PHF21B: variants seen among roughly 807,000 people sequenced by gnomAD.
The protein encoded by PHF21B is PHD finger protein 21B.
PHF21B carries 22 observed loss-of-function variants against 62.2 expected under a neutral mutation model. The observed-to-expected ratio is 0.35, with a 90% CI of 0.25 to 0.51. The LOEUF (loss-of-function observed/expected upper bound fraction) is 0.51. Ranked by LOEUF, PHF21B falls within the 20% of genes least tolerant of loss-of-function variation. PHF21B has a pLI of 0.97. For missense variants in PHF21B, 701 were observed against 707.9 expected (o/e 0.99, Z 0.11); for synonymous variants, 341 against 314.7 (o/e 1.08, Z -0.88).
chr22:44,934,102 G>A (rs1384622134), intron 2 of PHF21B, among the ~76,000 whole-genome samples: 16 of 152,196 alleles, frequency 1.1e-4, no homozygotes, highest in Admixed American at 9.8e-4. Context: ...GGGCATGGCA[G>A]CCCGTCCCCT....
intron 2 of PHF21B, among the ~76,000 whole-genome samples, chr22:44,961,498 A>T (rs1031118718): frequency 6.6e-6 from 1 of 152,158 alleles, no homozygotes; most frequent in East Asian, 1.9e-4. Context: ...CTTACTTCCA[A>T]GTGAAAACGT....
intron 5 of PHF21B, 33 bp downstream of exon 5, chr22:44,913,789 A>G (rs2071385436): frequency 1.3e-6 from 2 of 1,593,544 alleles, no homozygotes; most frequent in South Asian, 1.1e-5. Context: ...CAGACTGAGC[A>G]GGGCCTGGGC....
chr22:44,917,067 C>T (rs1305000952), intron 3 of PHF21B, among the ~76,000 whole-genome samples: 3 of 152,230 alleles, frequency 2.0e-5, no homozygotes, highest in African/African-American at 7.2e-5. Flanking sequence ...GGGCCTTGCC[C>T]AGTTCTGCTT....
rs941059849 is a variant in PHF21B, at chr22:44,996,159, G to A, written c.120+12386C>T. Among the ~76,000 whole-genome samples, 10 of 152,270 alleles carry A rather than the reference G, an allele frequency of 6.6e-5. No homozygotes were observed. In the East Asian group the frequency reaches 1.9e-3, roughly 29 times the overall value. Reference sequence around the variant, plus strand: ...ATGCTGCCCCCAGCTGAGGGGCTCGGTCTCTCCAGCGCCCAGCCCTCAGCA... The same window carrying A: ...ATGCTGCCCCCAGCTGAGGGGCTCGATCTCTCCAGCGCCCAGCCCTCAGCA... On this transcript the variant is annotated intron_variant, in intron 2 of 12. Transcript: ENST00000313237.
chr22:44,945,718 G>A (rs890921830), intron 2 of PHF21B, among the ~76,000 whole-genome samples: 2 of 20,558 alleles, frequency 9.7e-5, no homozygotes, highest in African/African-American at 1.5e-4. Context: ...GGCAGAATTG[G>A]GGGGGGGGTG....
chr22:44,927,261 CAG>C (rs1162120868), intron 2 of PHF21B, among the ~76,000 whole-genome samples: 2 of 151,922 alleles, frequency 1.3e-5, no homozygotes, highest in Non-Finnish European at 2.9e-5. Flanking sequence ...CGGCAACAAA[CAG>C]TGCCTGGCCA....
At chr22:44,955,830 G>T (rs922484316) in intron 2 of PHF21B, among the ~76,000 whole-genome samples, 1 of 152,172 alleles carries the variant, frequency 6.6e-6, no homozygotes, top group African/African-American at 2.4e-5. Context: ...TATCCCATTG[G>T]TTCTGCTCTC....
intron 2 of PHF21B, among the ~76,000 whole-genome samples, chr22:44,996,356 G>A (rs1044378121): frequency 6.6e-6 from 1 of 152,180 alleles, no homozygotes; most frequent in Non-Finnish European, 1.5e-5. Context: ...GCTGGTTGGT[G>A]CCGCTTCTCC....
At chr22:44,985,643 T>A (rs139868318) in intron 2 of PHF21B, among the ~76,000 whole-genome samples, 2 of 152,186 alleles carry the variant, frequency 1.3e-5, no homozygotes, top group East Asian at 3.9e-4. Context: ...AACTCTAGTC[T>A]CTGTTCCCTC....
chr22:44,977,518 T>C (rs2072759725), intron 2 of PHF21B, among the ~76,000 whole-genome samples: 2 of 151,510 alleles, frequency 1.3e-5, no homozygotes, highest in Non-Finnish European at 2.9e-5. Flanking sequence ...TGAGATGCGA[T>C]CATACCTCTA....
At chr22:45,007,774 C>T (rs1377909295) in intron 2 of PHF21B, among the ~76,000 whole-genome samples, 1 of 26,884 alleles carries the variant, frequency 3.7e-5, no homozygotes, top group Admixed American at 4.6e-4. Flanking sequence ...GGAGGAGGGG[C>T]GGGAGCCAGG....
chr22:44,935,104 G>C (rs1469813279), intron 2 of PHF21B, among the ~76,000 whole-genome samples: 1 of 152,096 alleles, frequency 6.6e-6, no homozygotes, highest in Non-Finnish European at 1.5e-5. Flanking sequence ...CACGGCAATC[G>C]GTCCAGTGGT....
At chr22:45,007,442 G>A (rs2073338868) in intron 2 of PHF21B, among the ~76,000 whole-genome samples, 2 of 150,368 alleles carry the variant, frequency 1.3e-5, no homozygotes, top group East Asian at 4.0e-4. Flanking sequence ...GGCAGGCCCG[G>A]GCGGGGGCGC....
chr22:44,937,346 C>A (rs2071870048), intron 2 of PHF21B, among the ~76,000 whole-genome samples: 1 of 152,202 alleles, frequency 6.6e-6, no homozygotes, highest in African/African-American at 2.4e-5. Flanking sequence ...GAGACGGAGA[C>A]ATCACAGCCA....
chr22:44,994,937 C>T (rs989738210), intron 2 of PHF21B, among the ~76,000 whole-genome samples: 16 of 152,276 alleles, frequency 1.1e-4, no homozygotes, highest in Non-Finnish European at 2.2e-4. Context: ...GCGGCAGCAT[C>T]TGAACTCACA....
intron 2 of PHF21B, among the ~76,000 whole-genome samples, chr22:44,942,885 G>C (rs2071986570): frequency 6.6e-6 from 1 of 152,084 alleles, no homozygotes; most frequent in Admixed American, 6.5e-5. Context: ...TGGAGTGGCT[G>C]ATTCCTGGGG....
At chr22:44,961,702 G>A (rs1456221895) in intron 2 of PHF21B, among the ~76,000 whole-genome samples, 2 of 152,096 alleles carry the variant, frequency 1.3e-5, no homozygotes, top group East Asian at 1.9e-4. Flanking sequence ...TAAGCCAGGC[G>A]TGGTGGTGCA....
intron 7 of PHF21B, among the ~76,000 whole-genome samples, chr22:44,892,973 A>G (rs1471895969): frequency 6.6e-6 from 1 of 152,060 alleles, no homozygotes; most frequent in Non-Finnish European, 1.5e-5. Flanking sequence ...GGACGCTCCA[A>G]CTGGGAGTAG....
chr22:44,945,344 T>G lies in PHF21B; in HGVS notation c.121-24854A>C, dbSNP rs560517164. ...CGCCCTGTGAATGGGGCGATTTAAC[T>G]CCGTCTGAGTGACATGAAGCATGGG... On this transcript the variant is annotated intron_variant, in intron 2 of 12. Coordinates refer to ENST00000313237, the MANE Select transcript of PHF21B (RefSeq NM_138415.5). Among the ~76,000 whole-genome samples the G allele has an allele frequency of 6.0e-4, 92 of 152,258 alleles. 1 individual carries two copies. The highest frequency in any genetic ancestry group is 2.2e-3 in the African/African-American group (92 of 41,550).
Sources: allele counts gnomAD v4.1 joint callset (sites outside exome capture counted in the v4.1 genomes callset), GRCh38; gene constraint gnomAD v4.1.1; transcripts MANE v1.5; gene names NCBI Gene and HGNC (gene_info 2026-07-23, HGNC 2026-07-21).